The following IFIH1 variants were observed in gnomAD, a reference collection of about 807,000 sequenced individuals.
IFIH1 encodes the protein interferon induced with helicase C domain 1.
In IFIH1, 125 loss-of-function variants were observed where a neutral mutation model predicts 107.4. The ratio of observed to expected loss-of-function variants is 1.16; its 90% CI spans 1.01 to 1.35. The LOEUF (loss-of-function observed/expected upper bound fraction) is 1.35. IFIH1 is among the 40% of genes most tolerant of loss of function. The pLI is 0.00. For synonymous variants in IFIH1, 458 were observed against 413.2 expected (o/e 1.11, Z -1.31); for missense variants, 1,333 against 1,213.7 (o/e 1.10, Z -1.46).
At position 162,276,837 on chromosome 2, in the gene IFIH1, T is replaced by A; in HGVS notation, c.2154A>T (p.Ser718=). 2 of 1,613,966 alleles carry A rather than the reference T, an allele frequency of 1.2e-6. No individual in the cohort carries two copies. The highest frequency in any genetic ancestry group is 1.7e-6 in the Non-Finnish European group (2 of 1,179,870). ...IMEQYTRTEE[S]ARGIIFTKTR... ...TTTTTGTAAAGATTATTCCTCGTGC[T>A]GATTCCTCAGTCCTAGTATATTGCT... Residue 718 remains serine (S), a synonymous_variant, in exon 11 of 16, where the codon TCA becomes TCT. Transcript: ENST00000649979.
chr2:162,297,429 C>G (rs1352531823), intron 3 of IFIH1, among the ~76,000 whole-genome samples: 1 of 152,100 alleles, frequency 6.6e-6, no homozygotes, highest in Non-Finnish European at 1.5e-5. Flanking sequence ...ACAGATAAGT[C>G]TCCAGATCGA....
intron 13 of IFIH1, among the ~76,000 whole-genome samples, chr2:162,268,740 C>G (rs143166730): frequency 0.012 from 1,822 of 152,158 alleles, 41 homozygotes; most frequent in African/African-American, 0.042. Flanking sequence ...CAGGCACCTG[C>G]CACCATGCTC....
chr2:162,281,252 T>C (rs1682801786), intron 7 of IFIH1, 76 bp downstream of exon 7: 2 of 1,138,142 alleles, frequency 1.8e-6, no homozygotes, highest in South Asian at 1.4e-5. Flanking sequence ...AACTCAATCT[T>C]ATTTAATAAG....
At chr2:162,287,491 C>T (rs1049288064) in intron 5 of IFIH1, among the ~76,000 whole-genome samples, 50 of 151,678 alleles carry the variant, frequency 3.3e-4, no homozygotes, top group Non-Finnish European at 1.0e-4. Context: ...TGAAGATGGC[C>T]TTCAAATACC....
Position 162,303,287 on chromosome 2 carries a change from T to C in IFIH1, c.769+3422A>G, listed in dbSNP as rs1261353711. On this transcript the variant is annotated intron_variant, in intron 3 of 15. Coordinates refer to ENST00000649979, the MANE Select transcript of IFIH1 (RefSeq NM_022168.4). Reference sequence around the variant, plus strand: ...CTGCCACCATGCTCGGCTAAGTTTTTGTATTTTTAATACAGATAGGGCTTC... The same window carrying C: ...CTGCCACCATGCTCGGCTAAGTTTTCGTATTTTTAATACAGATAGGGCTTC... Among the ~76,000 whole-genome samples the C allele has an allele frequency of 4.6e-5, 7 of 152,186 alleles. No individual in the cohort carries two copies. In the South Asian group the frequency reaches 1.2e-3, roughly 27 times the overall value.
At chr2:162,284,354 T>G (rs967850313) in intron 5 of IFIH1, among the ~76,000 whole-genome samples, 2 of 152,004 alleles carry the variant, frequency 1.3e-5, no homozygotes, top group Non-Finnish European at 2.9e-5. Flanking sequence ...CTTACTTCTT[T>G]GTACCTTGGA....
chr2:162,306,639 T>TA (rs1171537192), intron 3 of IFIH1, 70 bp downstream of exon 3: 1 of 1,186,272 alleles, frequency 8.4e-7, no homozygotes, highest in Non-Finnish European at 1.2e-6. Flanking sequence ...CTCTGATTAA[T>TA]AGGTTCTGCC....
At chr2:162,285,476 TA>T (rs1013411877) in intron 5 of IFIH1, among the ~76,000 whole-genome samples, 1 of 151,896 alleles carries the variant, frequency 6.6e-6, no homozygotes, top group African/African-American at 2.4e-5. Context: ...CAAAAAGAAT[TA>T]AAACTGAAAT....
chr2:162,282,023 T>C (rs1407147953), intron 6 of IFIH1, among the ~76,000 whole-genome samples: 1 of 151,974 alleles, frequency 6.6e-6, no homozygotes, highest in East Asian at 1.9e-4. Flanking sequence ...TTCTTTCTCC[T>C]ACCTTCTCAT....
rs576399093 is a variant in IFIH1 at position 162,278,997 on chromosome 2, A to G, written c.1642-669T>C. ...GCAATCAGTACACATATGAATTTGT[A>G]CTTTTCTGTATGTATGTTATGCTTC... is the stretch of plus-strand genomic sequence containing the variant. On this transcript the variant is annotated intron_variant, in intron 8 of 15. Coordinates refer to ENST00000649979, the MANE Select transcript of IFIH1 (RefSeq NM_022168.4). Among the ~76,000 whole-genome samples the G allele has an allele frequency of 6.6e-5, 10 of 152,136 alleles. No homozygotes were observed. The East Asian group carries it at 1.7e-3, about 26-fold the overall frequency.
rs779549145 is a variant in IFIH1, at chr2:162,288,346, T to C, written c.884A>G (p.Asn295Ser). ...GTMGSDSDEE[N>S]VAARASPEPE... ...CTCCGGGGATGCTCTTGCTGCCACATTCTCTTCATCTGAAGAAGGTTGAAA... is the reference window on the plus strand; with the variant it reads ...CTCCGGGGATGCTCTTGCTGCCACACTCTCTTCATCTGAAGAAGGTTGAAA... Residue 295 changes from asparagine (N) to serine (S), a missense_variant, in exon 5 of 16, where the codon AAT (asparagine) becomes AGT (serine). Asn to Ser is a conservative substitution (Grantham distance 46). Transcript: ENST00000649979. 3 of 1,611,894 alleles carry C rather than the reference T, an allele frequency of 1.9e-6. No individual in the cohort carries two copies. In the South Asian group the frequency reaches 3.3e-5, roughly 18 times the overall value.
At chr2:162,285,700 G>A (rs1236311752) in intron 5 of IFIH1, among the ~76,000 whole-genome samples, 2 of 151,896 alleles carry the variant, frequency 1.3e-5, no homozygotes, top group African/African-American at 2.4e-5. Flanking sequence ...TGTGCATTCC[G>A]AAGAATCATG....
intron 4 of IFIH1, among the ~76,000 whole-genome samples, chr2:162,291,985 G>A (rs981931548): frequency 1.3e-5 from 2 of 151,830 alleles, no homozygotes; most frequent in Admixed American, 6.6e-5. Context: ...CTTTTCAAAA[G>A]TAGATTGCGT....
chr2:162,287,566 T>G (rs1252014496), intron 5 of IFIH1, among the ~76,000 whole-genome samples: 1 of 151,764 alleles, frequency 6.6e-6, no homozygotes, highest in Non-Finnish European at 1.5e-5. Context: ...ATATTTTATA[T>G]ATATATATGT....
intron 3 of IFIH1, among the ~76,000 whole-genome samples, chr2:162,306,361 T>C (rs989121289): frequency 2.0e-5 from 3 of 152,204 alleles, no homozygotes; most frequent in Admixed American, 6.5e-5. Context: ...ATCTATTTTA[T>C]TTTCAGGGTT....
At chr2:162,290,985 T>C (rs1468493069) in intron 4 of IFIH1, among the ~76,000 whole-genome samples, 2 of 151,852 alleles carry the variant, frequency 1.3e-5, no homozygotes, top group African/African-American at 4.8e-5. Context: ...GCCAATTTCC[T>C]TTATAAAAGA....
chr2:162,267,714 G>A (rs1576219842), intron 14 of IFIH1, 145 bp from the exon 15 acceptor site: 1 of 661,046 alleles, frequency 1.5e-6, no homozygotes, highest in East Asian at 2.7e-5. Context: ...TCCCAGGCTT[G>A]TTATTGCAAC....
intron 8 of IFIH1, among the ~76,000 whole-genome samples, chr2:162,279,588 A>G (rs539147302): frequency 1.3e-5 from 2 of 152,196 alleles, no homozygotes; most frequent in African/African-American, 4.8e-5. Flanking sequence ...TAGGATTCCC[A>G]TTATCATTGC....
intron 13 of IFIH1, among the ~76,000 whole-genome samples, chr2:162,271,664 T>A (rs1166067308): frequency 6.6e-6 from 1 of 152,224 alleles, no homozygotes; most frequent in Non-Finnish European, 1.5e-5. Flanking sequence ...TCTAGTCAGT[T>A]GTTTCATATC....
Sources: allele counts gnomAD v4.1 joint callset (sites outside exome capture counted in the v4.1 genomes callset), GRCh38; gene constraint gnomAD v4.1.1; transcripts MANE v1.5; gene names NCBI Gene and HGNC (gene_info 2026-07-23, HGNC 2026-07-21).